Variants in ST6GALNAC5 observed in about 807,000 individuals in gnomAD.
The protein encoded by ST6GALNAC5 is ST6 N-acetylgalactosaminide alpha-2,6-sialyltransferase 5.
In ST6GALNAC5, 27 loss-of-function variants were observed where a neutral mutation model predicts 33.6. The ratio of observed to expected loss-of-function variants is 0.80; its 90% CI spans 0.59 to 1.11. The LOEUF (loss-of-function observed/expected upper bound fraction) is 1.11. ST6GALNAC5 is among the 50% of genes least tolerant of loss of function. The pLI is 0.00. For missense variants in ST6GALNAC5, 428 were observed against 454.0 expected (o/e 0.94, Z 0.52); for synonymous variants, 194 against 171.2 (o/e 1.13, Z -1.04).
chr1:77,013,345 G>A (rs928801075), intron 2 of ST6GALNAC5, among the ~76,000 whole-genome samples: 2 of 152,164 alleles, frequency 1.3e-5, no homozygotes, highest in Non-Finnish European at 1.5e-5. Flanking sequence ...ATTCAGCCTC[G>A]TTTGTGAAGT....
intron 2 of ST6GALNAC5, among the ~76,000 whole-genome samples, chr1:76,899,953 C>T (rs966315899): frequency 7.2e-5 from 11 of 152,130 alleles, no homozygotes; most frequent in South Asian, 2.1e-4. Flanking sequence ...GGAGGTCCCC[C>T]GATCCAAGTC....
Position 77,003,602 on chromosome 1 carries a change from T to G in ST6GALNAC5, c.262-40602T>G, listed in dbSNP as rs984966088. ...TTCCTAGTCTCGATGGTCTTTACATTTTGGCATGATTTTGCAGCGGCTGGT... is the reference window on the plus strand; with the variant it reads ...TTCCTAGTCTCGATGGTCTTTACATGTTGGCATGATTTTGCAGCGGCTGGT... On this transcript the variant is annotated intron_variant, in intron 2 of 4. Transcript: ENST00000477717. Among the ~76,000 whole-genome samples, 232 of 152,226 alleles carry G rather than the reference T, an allele frequency of 1.5e-3. 1 individual carries two copies. Among genetic ancestry groups the G allele is most frequent in the Non-Finnish European group, 1.9e-3 (126 of 68,010 alleles).
chr1:76,974,640 G>A (rs1009118276), intron 2 of ST6GALNAC5, among the ~76,000 whole-genome samples: 2 of 151,352 alleles, frequency 1.3e-5, no homozygotes, highest in Admixed American at 6.6e-5. Flanking sequence ...GAAGGTTATT[G>A]AATTCTGTAT....
At chr1:77,036,497 C>A (rs1431625636) in intron 2 of ST6GALNAC5, among the ~76,000 whole-genome samples, 2 of 152,214 alleles carry the variant, frequency 1.3e-5, no homozygotes, top group Admixed American at 6.5e-5. Context: ...GGATTTCCTG[C>A]ACCTCCCTCT....
intron 2 of ST6GALNAC5, among the ~76,000 whole-genome samples, chr1:77,003,453 A>G (rs904975050): frequency 6.7e-6 from 1 of 150,124 alleles, no homozygotes; most frequent in African/African-American, 2.4e-5. Flanking sequence ...CCAATTTGCC[A>G]GTCTGTGTCT....
At chr1:77,003,909 C>A (rs967979704) in intron 2 of ST6GALNAC5, among the ~76,000 whole-genome samples, 4 of 138,872 alleles carry the variant, frequency 2.9e-5, no homozygotes, top group African/African-American at 1.1e-4. Flanking sequence ...ACCTTTCTCT[C>A]TGGCTGCCCT....
At chr1:76,930,163 T>G (rs1454556411) in intron 2 of ST6GALNAC5, among the ~76,000 whole-genome samples, 3 of 152,260 alleles carry the variant, frequency 2.0e-5, no homozygotes, top group Admixed American at 1.3e-4. Context: ...TTGTGGTCTT[T>G]GGCAATTTAC....
At chr1:77,019,336 G>A (rs1650969147) in intron 2 of ST6GALNAC5, among the ~76,000 whole-genome samples, 1 of 152,162 alleles carries the variant, frequency 6.6e-6, no homozygotes, top group Admixed American at 6.5e-5. Context: ...GAAGTGCCTG[G>A]TAGAACAGGT....
At chr1:76,948,352 G>A (rs1322885517) in intron 2 of ST6GALNAC5, among the ~76,000 whole-genome samples, 3 of 152,146 alleles carry the variant, frequency 2.0e-5, no homozygotes, top group African/African-American at 7.2e-5. Context: ...AGCTCATCTG[G>A]CTTAACAGCC....
At chr1:77,021,117 A>G (rs2100436366) in intron 2 of ST6GALNAC5, among the ~76,000 whole-genome samples, 1 of 152,334 alleles carries the variant, frequency 6.6e-6, no homozygotes, top group Admixed American at 6.5e-5. Context: ...ACTAGATTCT[A>G]CCTCTTGATG....
In ST6GALNAC5 at chr1:77,044,306, C is replaced by A; in HGVS notation, c.364C>A (p.Arg122Ser). The change falls in exon 3 of 5, where the codon CGC (arginine) becomes AGC (serine). Residue 122 changes from arginine (R) to serine (S), a missense_variant. Arg to Ser is a moderately radical substitution (Grantham distance 110). Coordinates refer to ENST00000477717, the MANE Select transcript of ST6GALNAC5 (RefSeq NM_030965.3). ...GATTGACCAGACAGAGTGTGTCATC[C>A]GCATGAATGACGCCCCCACACGCGG... ...SQIDQTECVI[R>S]MNDAPTRGYG... is the part of the protein sequence containing the mutation. 1 of 1,613,982 alleles carries A rather than the reference C, an allele frequency of 6.2e-7. No individual in the cohort carries two copies. Among genetic ancestry groups the A allele is most frequent in the East Asian group, 2.2e-5 (1 of 44,850 alleles).
intron 2 of ST6GALNAC5, among the ~76,000 whole-genome samples, chr1:76,906,056 G>A (rs17099690): frequency 3.9e-5 from 6 of 152,136 alleles, no homozygotes; most frequent in Admixed American, 3.3e-4. Context: ...GCATCATTTC[G>A]GAGGAAGAAA....
rs563021192 is a variant in ST6GALNAC5 at position 76,868,464 on chromosome 1, C to G, written c.16-33C>G. The stretch of plus-strand genomic sequence containing the variant: ...CGCTCCTCCGGTGTCTGCGCTCAGC[C>G]GCTCTCCTCTTCTCTCTCCCGCCCG... On this transcript the variant is annotated intron_variant, in intron 1 of 4. Coordinates refer to ENST00000477717, the MANE Select transcript of ST6GALNAC5 (RefSeq NM_030965.3). This position sits in a 1 kb window ranked among gnomAD's most constrained non-coding sequence, Gnocchi z 4.3. 201 of 1,581,018 alleles carry G rather than the reference C, an allele frequency of 1.3e-4. 2 individuals carry two copies. In the South Asian group the frequency reaches 2.1e-3, roughly 17 times the overall value.
chr1:76,965,346 G>A (rs375155866), intron 2 of ST6GALNAC5, among the ~76,000 whole-genome samples: 16 of 152,130 alleles, frequency 1.1e-4, no homozygotes, highest in South Asian at 4.2e-4. Flanking sequence ...TTTGATTTGC[G>A]TTTCTCTGAT....
intron 2 of ST6GALNAC5, among the ~76,000 whole-genome samples, chr1:76,880,196 T>G (rs1653745526): frequency 6.6e-6 from 1 of 152,216 alleles, no homozygotes; most frequent in Non-Finnish European, 1.5e-5. Context: ...TCCTTGCCTC[T>G]TAGGAGCGGT....
intron 2 of ST6GALNAC5, among the ~76,000 whole-genome samples, chr1:76,903,007 C>T (rs1178803806): frequency 1.3e-5 from 2 of 152,054 alleles, no homozygotes; most frequent in African/African-American, 4.8e-5. Flanking sequence ...AGGTGTAATT[C>T]CCAAAACATG....
At chr1:76,914,211 C>A (rs1405675796) in intron 2 of ST6GALNAC5, among the ~76,000 whole-genome samples, 2 of 152,156 alleles carry the variant, frequency 1.3e-5, no homozygotes, top group Non-Finnish European at 2.9e-5. Flanking sequence ...AATGGAAGAA[C>A]ATTCCATGCT....
intron 2 of ST6GALNAC5, among the ~76,000 whole-genome samples, chr1:76,916,515 T>C (rs1646976690): frequency 6.6e-6 from 1 of 152,210 alleles, no homozygotes; most frequent in South Asian, 2.1e-4. Context: ...TATTTTTTGA[T>C]GTAGGAATGT....
At chr1:77,052,642 AG>A (rs1488218722) in intron 4 of ST6GALNAC5, among the ~76,000 whole-genome samples, 1 of 151,948 alleles carries the variant, frequency 6.6e-6, no homozygotes, top group Non-Finnish European at 1.5e-5. Flanking sequence ...AATTCTGAGC[AG>A]GGGGCTGGTT....
Sources: allele counts gnomAD v4.1 joint callset (sites outside exome capture counted in the v4.1 genomes callset), GRCh38; gene constraint gnomAD v4.1.1; non-coding constraint Gnocchi (gnomAD v3.1); transcripts MANE v1.5; gene names NCBI Gene and HGNC (gene_info 2026-07-23, HGNC 2026-07-21).